COMMD1: variants seen among roughly 807,000 people sequenced by gnomAD.
COMMD1 encodes copper metabolism domain containing 1, also known as COMM domain-containing protein 1.
COMMD1 carries 10 observed loss-of-function variants against 17.2 expected under a neutral mutation model. That is an observed-to-expected ratio of 0.58 (90% CI 0.36 to 0.99). The LOEUF (loss-of-function observed/expected upper bound fraction) is 0.99, where lower values mean the gene tolerates loss of function less well. COMMD1 is among the 50% of genes least tolerant of loss of function. The pLI, the probability that COMMD1 is intolerant of heterozygous loss-of-function variation, is 0.01. For synonymous variants in COMMD1, 97 were observed against 91.6 expected, an observed-to-expected ratio of 1.06 and a Z score of -0.34; for missense variants, 270 against 231.8, an observed-to-expected ratio of 1.17 and a Z score of -1.07.
At chr2:62,010,726 G>A (rs1346820630) in intron 2 of COMMD1, among the ~76,000 whole-genome samples, 2 of 151,790 alleles carry the variant, frequency 1.3e-5, no homozygotes, top group East Asian at 3.9e-4. Context: ...ATCTTGCTGG[G>A]TCTGTTTTTA....
At chr2:62,115,117 A>T (rs1417103472) in intron 2 of COMMD1, among the ~76,000 whole-genome samples, 1 of 152,228 alleles carries the variant, frequency 6.6e-6, no homozygotes, top group Non-Finnish European at 1.5e-5. Flanking sequence ...TTAAATTCTC[A>T]CAACTACCTT....
chr2:62,055,002 A>C (rs1200334511), intron 2 of COMMD1, among the ~76,000 whole-genome samples: 2 of 152,212 alleles, frequency 1.3e-5, no homozygotes, highest in African/African-American at 4.8e-5. Flanking sequence ...TGCTACTAGC[A>C]CTGGGGAGCG....
chr2:62,014,388 G>A (rs552896988), intron 2 of COMMD1, among the ~76,000 whole-genome samples: 7 of 151,980 alleles, frequency 4.6e-5, no homozygotes, highest in African/African-American at 1.7e-4. Flanking sequence ...TCTAGTATGT[G>A]TGTACTGGCT....
intron 2 of COMMD1, among the ~76,000 whole-genome samples, chr2:62,015,936 C>A (rs950084322): frequency 6.6e-6 from 1 of 151,580 alleles, no homozygotes; most frequent in Non-Finnish European, 1.5e-5. Context: ...AAGTTCAAGT[C>A]ATTCTCTTGC....
chr2:62,039,409 C>G (rs1488948694), intron 2 of COMMD1, among the ~76,000 whole-genome samples: 1 of 152,230 alleles, frequency 6.6e-6, no homozygotes, highest in Non-Finnish European at 1.5e-5. Flanking sequence ...TGGAATATCA[C>G]TATGGCCTTT....
At chr2:62,119,921 A>G (rs1293466216) in intron 2 of COMMD1, among the ~76,000 whole-genome samples, 1 of 152,164 alleles carries the variant, frequency 6.6e-6, no homozygotes, top group Non-Finnish European at 1.5e-5. Flanking sequence ...TATTTTGTTC[A>G]GCCTGTAGTG....
At chr2:61,914,624 A>C (rs1670003623) in intron 1 of COMMD1, among the ~76,000 whole-genome samples, 1 of 152,168 alleles carries the variant, frequency 6.6e-6, no homozygotes, top group Non-Finnish European at 1.5e-5. Context: ...AAAGATTATA[A>C]GAAATAATTG....
At chr2:61,998,730 A>T (rs1020855406) in intron 1 of COMMD1, among the ~76,000 whole-genome samples, 3 of 152,176 alleles carry the variant, frequency 2.0e-5, no homozygotes, top group Non-Finnish European at 4.4e-5. Flanking sequence ...TTTGATTTAA[A>T]ATCAGATATG....
At chr2:62,000,619 A>C (rs1558555913) in intron 1 of COMMD1, 82 bp from the exon 2 acceptor site, 3 of 1,343,688 alleles carry the variant, frequency 2.2e-6, no homozygotes, top group East Asian at 2.4e-5. Context: ...AGTCACTCAA[A>C]ATATAATCTG....
Position 62,033,627 on chromosome 2 carries a change from A to G in COMMD1, c.462+32645A>G, listed in dbSNP as rs558072891. 1.4e-3 allele frequency among the ~76,000 whole-genome samples: 208 copies of G among 152,272 alleles called. 1 individual carries two copies. The highest frequency in any genetic ancestry group is 2.6e-3 in the Non-Finnish European group (174 of 68,024). On this transcript the variant is annotated intron_variant, in intron 2 of 2. Coordinates refer to ENST00000311832, the MANE Select transcript of COMMD1 (RefSeq NM_152516.4). ...GCTACTTCTTAAAAAGAAGTACCTT[A>G]GATATAAATACTTCAAATATTTGTT...
At chr2:61,892,195 C>G (rs534021599) in intron 1 of COMMD1, among the ~76,000 whole-genome samples, 1 of 151,940 alleles carries the variant, frequency 6.6e-6, no homozygotes, top group East Asian at 1.9e-4. Context: ...AAAATACTTT[C>G]CTGTCAGATC....
chr2:62,066,320 A>C (rs1671038467), intron 2 of COMMD1, among the ~76,000 whole-genome samples: 3 of 152,152 alleles, frequency 2.0e-5, no homozygotes, highest in Non-Finnish European at 2.9e-5. Flanking sequence ...AGGGAGGAGA[A>C]GAGGGCAAAG....
chr2:62,037,508 G>A (rs1670073373), intron 2 of COMMD1, among the ~76,000 whole-genome samples: 1 of 152,144 alleles, frequency 6.6e-6, no homozygotes, highest in South Asian at 2.1e-4. Context: ...CTTAGATATG[G>A]TAGCTGCGAG....
chr2:61,996,314 A>AT (rs1491191568), intron 1 of COMMD1, among the ~76,000 whole-genome samples: 2 of 142,314 alleles, frequency 1.4e-5, no homozygotes, highest in Non-Finnish European at 3.1e-5. Context: ...TGTTTTCTAA[A>AT]TGTGTGTGTG....
chr2:62,091,273 C>T (rs192294749), intron 2 of COMMD1, among the ~76,000 whole-genome samples: 2 of 152,274 alleles, frequency 1.3e-5, no homozygotes, highest in East Asian at 3.9e-4. Flanking sequence ...AATAGCATTC[C>T]TTCAATGTGG....
At chr2:61,984,226 G>A (rs1373955487) in intron 1 of COMMD1, among the ~76,000 whole-genome samples, 9 of 152,208 alleles carry the variant, frequency 5.9e-5, no homozygotes, top group East Asian at 1.9e-4. Flanking sequence ...GGGTTTCTCA[G>A]TGTTGGCCAG....
intron 1 of COMMD1, among the ~76,000 whole-genome samples, chr2:61,944,672 C>G (rs542667261): frequency 6.6e-6 from 1 of 152,260 alleles, no homozygotes; most frequent in South Asian, 2.1e-4. Flanking sequence ...CTCCAAAAGT[C>G]AGAGTCAGGT....
At chr2:61,958,725 A>G (rs914001218) in intron 1 of COMMD1, among the ~76,000 whole-genome samples, 1 of 152,246 alleles carries the variant, frequency 6.6e-6, no homozygotes. Flanking sequence ...TTGGTTTTAT[A>G]AATTTATATA....
At chr2:62,038,150 TGG>T (rs1244644181) in intron 2 of COMMD1, among the ~76,000 whole-genome samples, 1 of 152,070 alleles carries the variant, frequency 6.6e-6, no homozygotes, top group African/African-American at 2.4e-5. Flanking sequence ...TAGTCGGGCG[TGG>T]TGGCATGCAC....
Sources: gnomAD v4.1 joint callset for allele counts (sites outside exome capture counted in the v4.1 genomes callset) on GRCh38, gnomAD v4.1.1 for gene constraint, MANE v1.5 for transcripts, NCBI Gene and HGNC (gene_info 2026-07-23, HGNC 2026-07-21) for gene names.